Variants in PUF60 observed in about 807,000 individuals in gnomAD.
PUF60 encodes poly(U) binding splicing factor 60, also known as poly(U)-binding-splicing factor PUF60.
In PUF60, 10 loss-of-function variants were observed where a neutral mutation model predicts 61.8. The ratio of observed to expected loss-of-function variants is 0.16; its 90% CI spans 0.10 to 0.27. PUF60 has a LOEUF of 0.27. Among genes scored for constraint, PUF60 ranks in the 10% least tolerant of loss-of-function variants. The pLI is 1.00. For missense variants in PUF60, 371 were observed against 754.0 expected (o/e 0.49, Z 5.95); for synonymous variants, 353 against 300.9 (o/e 1.17, Z -1.79).
chr8:143,824,491 G>T, intron 1 of PUF60, 92 bp from the exon 2 acceptor site: 1 of 1,345,074 alleles, frequency 7.4e-7, no homozygotes, highest in Non-Finnish European at 1.0e-6. Flanking sequence ...AGCTCCTCAC[G>T]GATAAGCAAG....
chr8:143,829,032 C>G (rs1183422549), intron 1 of PUF60: 25 of 1,001,846 alleles, frequency 2.5e-5, no homozygotes, highest in Admixed American at 6.0e-5. Flanking sequence ...AAGGGCCACA[C>G]GCCGCGCCCA....
Position 143,817,175 on chromosome 8 carries a change from C to G in PUF60, c.1145-30G>C, listed in dbSNP as rs542150934. ...AGGAAAACCAACCAGGTCCATCAGTCACTCCCTACCACCCCCCTTCCCAGA... is the reference window on the plus strand; with the variant it reads ...AGGAAAACCAACCAGGTCCATCAGTGACTCCCTACCACCCCCCTTCCCAGA... On this transcript the variant is annotated intron_variant, in intron 10 of 11. Transcript: ENST00000526683. This position sits in a 1 kb window ranked among gnomAD's most constrained non-coding sequence, Gnocchi z 7.4. 7.5e-5 allele frequency: 116 copies of G among 1,549,196 alleles called. No individual in the cohort carries two copies. Among genetic ancestry groups the G allele is most frequent in the Admixed American group, 2.1e-4 (11 of 52,162 alleles).
intron 2 of PUF60, among the ~76,000 whole-genome samples, chr8:143,822,202 A>G (rs1817099072): frequency 6.6e-6 from 1 of 152,174 alleles, no homozygotes; most frequent in South Asian, 2.1e-4. Flanking sequence ...CTGGAGGCAG[A>G]AAAGGGGTCC....
chr8:143,819,272 G>C (rs571143510), intron 5 of PUF60, among the ~76,000 whole-genome samples: 1 of 152,170 alleles, frequency 6.6e-6, no homozygotes, highest in Non-Finnish European at 1.5e-5. Flanking sequence ...CCTTAGAGCT[G>C]GTGACAGGCC....
intron 1 of PUF60, among the ~76,000 whole-genome samples, chr8:143,827,700 C>G (rs1817789853): frequency 6.6e-6 from 1 of 152,234 alleles, no homozygotes; most frequent in African/African-American, 2.4e-5. Context: ...AGCCTGAAAC[C>G]TGACGATAAA....
chr8:143,820,703 G>A lies in PUF60; in HGVS notation c.311C>T (p.Thr104Ile), dbSNP rs1415589448. 1 of 1,612,864 alleles carries A rather than the reference G, an allele frequency of 6.2e-7. No individual in the cohort carries two copies. Among genetic ancestry groups the A allele is most frequent in the Non-Finnish European group, 8.5e-7 (1 of 1,179,362 alleles). Residue 104 changes from threonine (T) to isoleucine (I), a missense_variant, in exon 5 of 12, where the codon ACA (threonine) becomes ATA (isoleucine). Physicochemically the swap from Thr to Ile is moderately conservative, Grantham distance 89 (BLOSUM62 -1). This residue lies in a region of PUF60 where 35 missense variants were observed against 173.1 expected (regional missense o/e 0.20). Transcript: ENST00000526683. ...TGAGAGAGGATCTCCAAAGCCCATT[G>A]TCACTGCTGCCATCTGAAAGACAGT... is the stretch of plus-strand genomic sequence containing the variant. ...QLTNLQMAAV[T>I]MGFGDPLSPL...
At chr8:143,828,635 G>A (rs752478512) in intron 1 of PUF60, among the ~76,000 whole-genome samples, 2 of 152,322 alleles carry the variant, frequency 1.3e-5, no homozygotes, top group East Asian at 3.9e-4. Flanking sequence ...ACCTCCAACT[G>A]CCTGTCTGGT....
chr8:143,818,650 A>G lies in PUF60; in HGVS notation c.349-116T>C, dbSNP rs1382061245. Reference sequence around the variant, plus strand: ...CCCTGCTGTGGGGAGGGCTCCCCACATGACAGGGAGGTGCGGGCTCCATCC... The same window carrying G: ...CCCTGCTGTGGGGAGGGCTCCCCACGTGACAGGGAGGTGCGGGCTCCATCC... On this transcript the variant is annotated intron_variant, in intron 5 of 11. Transcript: ENST00000526683. The surrounding 1 kb of genome is among the most constrained non-coding windows in gnomAD (Gnocchi z 7.9). 3.5e-6 allele frequency: 4 copies of G among 1,140,560 alleles called. No individual in the cohort carries two copies. The highest frequency in any genetic ancestry group is 4.8e-6 in the Non-Finnish European group (4 of 826,906). The allele number at this position is 1,140,560 out of a possible 1,614,324, so 70.7% of individuals were successfully genotyped here.
At chr8:143,820,934 A>AAGGAAGGGAGGG (rs1007065711) in intron 4 of PUF60, among the ~76,000 whole-genome samples, 1 of 151,904 alleles carries the variant, frequency 6.6e-6, no homozygotes, top group African/African-American at 2.4e-5. Context: ...CTGGGGCAGA[A>AAGGAAGGGAGGG]AGGAAGGGAG....
intron 1 of PUF60, among the ~76,000 whole-genome samples, chr8:143,828,823 G>A (rs1049247712): frequency 6.6e-6 from 1 of 152,116 alleles, no homozygotes; most frequent in African/African-American, 2.4e-5. Flanking sequence ...AGCCAAGGCC[G>A]CCCCATGCTC....
intron 2 of PUF60, 68 bp downstream of exon 2, chr8:143,824,245 C>A (rs1817366496): frequency 6.8e-7 from 1 of 1,469,758 alleles, no homozygotes; most frequent in Admixed American, 2.0e-5. Context: ...CCCAGGGACG[C>A]ACAGGCAGGC....
chr8:143,825,231 A>T (rs1053083327), intron 1 of PUF60: 1 of 152,306 alleles, frequency 6.6e-6, no homozygotes, highest in Non-Finnish European at 1.5e-5. Context: ...AATATCTAAG[A>T]ACAGAAGAGA....
At chr8:143,826,148 G>C (rs1280309557) in intron 1 of PUF60, among the ~76,000 whole-genome samples, 4 of 152,212 alleles carry the variant, frequency 2.6e-5, no homozygotes, top group African/African-American at 9.6e-5. Context: ...TGGTCAGGAT[G>C]CCCCCAGCAC....
chr8:143,828,989 G>C (rs1431207079), intron 1 of PUF60: 1 of 992,320 alleles, frequency 1.0e-6, no homozygotes, highest in Non-Finnish European at 1.2e-6. Context: ...CGGACCTAGC[G>C]GACAGGAACG....
intron 4 of PUF60, 65 bp from the exon 5 acceptor site, chr8:143,820,781 C>T (rs918226665): frequency 2.1e-5 from 31 of 1,477,344 alleles, no homozygotes; most frequent in Non-Finnish European, 2.6e-5. Flanking sequence ...CTCGTCAACA[C>T]CTCACGCAGA....
At chr8:143,823,088 C>T (rs547849251) in intron 2 of PUF60, 1 of 169,276 alleles carries the variant, frequency 5.9e-6, no homozygotes, top group Non-Finnish European at 1.3e-5. Context: ...GCAACCAGAG[C>T]CCCAACCAGT....
Position 143,817,024 on chromosome 8 carries a change from CTCT to C in PUF60, c.1263_1265del (p.Glu423del), listed in dbSNP as rs1563820181. On this transcript the variant is annotated inframe_deletion, in exon 11 of 12. Coordinates refer to ENST00000526683, the MANE Select transcript of PUF60 (RefSeq NM_078480.3). The surrounding 1 kb of genome is among the most constrained non-coding windows in gnomAD (Gnocchi z 7.4). ...GCCGCTCTGACTCGGGAAACAGCTCCTCTTCTTCCTTCTCCTTCTTGGGCTCCA... is the reference window on the plus strand; with the variant it reads ...GCCGCTCTGACTCGGGAAACAGCTCCTCTTCCTTCTCCTTCTTGGGCTCCA... 1.1e-5 allele frequency: 18 copies of C among 1,610,116 alleles called. No homozygotes were observed. The highest frequency in any genetic ancestry group is 1.5e-5 in the Non-Finnish European group (18 of 1,178,560).
Position 143,816,726 on chromosome 8 carries a change from C to T in PUF60, c.1474G>A (p.Ala492Thr). 3.1e-6 allele frequency: 5 copies of T among 1,613,840 alleles called. No homozygotes were observed. Among genetic ancestry groups the T allele is most frequent in the Non-Finnish European group, 4.2e-6 (5 of 1,179,886 alleles). The change falls in exon 12 of 12, where the codon GCC becomes ACC. Residue 492 changes from alanine to threonine, a missense_variant. Transcript: ENST00000526683. ...TGGTAGATGATGACGCGGTTCACGG[C>T]CCCGAACTTGCCACACTCCTCTGTC... ...EVTEECGKFG[A>T]VNRVIIYQEK...
Position 143,820,655 on chromosome 8 carries a change from T to C in PUF60, c.348+11A>G, listed in dbSNP as rs1436883255. 1.2e-6 allele frequency: 2 copies of C among 1,610,722 alleles called. No individual in the cohort carries two copies. Among genetic ancestry groups the C allele is most frequent in the African/African-American group, 1.3e-5 (1 of 74,848 alleles). ...ACATGAGCCCCGGAAGAAGTGAGCA[T>C]TTCTATTGACCGATTGCAAAGGTGA... On this transcript the variant is annotated intron_variant, in intron 5 of 11. Coordinates refer to ENST00000526683, the MANE Select transcript of PUF60 (RefSeq NM_078480.3).
Sources: gnomAD v4.1 joint callset for allele counts (sites outside exome capture counted in the v4.1 genomes callset) on GRCh38, gnomAD v4.1.1 for gene constraint, gnomAD v4.1.1 regional missense constraint, Gnocchi (gnomAD v3.1) non-coding constraint, MANE v1.5 for transcripts, NCBI Gene and HGNC (gene_info 2026-07-23, HGNC 2026-07-21) for gene names.